Variants in CTNNA2 observed in about 807,000 individuals in gnomAD.
CTNNA2 encodes catenin alpha 2.
In CTNNA2, 42 loss-of-function variants were observed where a neutral mutation model predicts 101.0. That is an observed-to-expected ratio of 0.42 (90% CI 0.32 to 0.54). The LOEUF (loss-of-function observed/expected upper bound fraction) is 0.54, where lower values mean the gene tolerates loss of function less well. Ranked by LOEUF, CTNNA2 falls within the 20% of genes least tolerant of loss-of-function variation. The pLI is 0.14. For missense variants in CTNNA2, 871 were observed against 1,223.1 expected (o/e 0.71, Z 4.29); for synonymous variants, 450 against 456.4 (o/e 0.99, Z 0.18).
chr2:80,435,118 T>C (rs931071197), intron 9 of CTNNA2, among the ~76,000 whole-genome samples: 3 of 152,202 alleles, frequency 2.0e-5, no homozygotes, highest in Admixed American at 6.5e-5. Flanking sequence ...CACTTCCCTC[T>C]AATTGCAACA....
At chr2:79,961,042 G>A (rs950877673) in intron 7 of CTNNA2, among the ~76,000 whole-genome samples, 37 of 152,242 alleles carry the variant, frequency 2.4e-4, no homozygotes, top group Non-Finnish European at 3.7e-4. Flanking sequence ...TTCATTATGC[G>A]AATTAAAATT....
chr2:80,113,832 C>T (rs1415848534), intron 7 of CTNNA2, among the ~76,000 whole-genome samples: 1 of 152,178 alleles, frequency 6.6e-6, no homozygotes, highest in Admixed American at 6.6e-5. Context: ...ATGATAAAAA[C>T]ATTCATGGGA....
intron 7 of CTNNA2, among the ~76,000 whole-genome samples, chr2:80,043,133 C>CT (rs1696268261): frequency 2.1e-5 from 1 of 48,664 alleles, no homozygotes; most frequent in African/African-American, 1.3e-4. Flanking sequence ...TTCCTTCCTT[C>CT]CTTCCTTCCT....
intron 9 of CTNNA2, among the ~76,000 whole-genome samples, chr2:80,506,924 A>T (rs1688320692): frequency 6.6e-6 from 1 of 152,170 alleles, no homozygotes; most frequent in Admixed American, 6.5e-5. Flanking sequence ...TCTCTGTAAG[A>T]TAGGGGTGAG....
chr2:79,339,175 T>C (rs1442426569), intron 3 of CTNNA2, among the ~76,000 whole-genome samples: 3 of 151,854 alleles, frequency 2.0e-5, no homozygotes, highest in Non-Finnish European at 2.9e-5. Context: ...AGTTATAACA[T>C]AAAAAACATG....
chr2:79,453,412 T>C (rs1390221373), intron 4 of CTNNA2, among the ~76,000 whole-genome samples: 3 of 152,114 alleles, frequency 2.0e-5, no homozygotes, highest in African/African-American at 7.2e-5. Flanking sequence ...ATGCTATAAA[T>C]GTGACAATGA....
intron 9 of CTNNA2, among the ~76,000 whole-genome samples, chr2:80,420,982 T>C (rs565417628): frequency 1.3e-5 from 2 of 152,322 alleles, no homozygotes; most frequent in South Asian, 4.1e-4. Flanking sequence ...CAGGCAAGCC[T>C]TCTATCACCC....
At chr2:80,553,232 A>AAAAT (rs1553384533) in intron 11 of CTNNA2, among the ~76,000 whole-genome samples, 1 of 121,826 alleles carries the variant, frequency 8.2e-6, no homozygotes, top group African/African-American at 3.0e-5. Context: ...TCAAAAAAAA[A>AAAAT]AATAAAATAA....
chr2:80,544,313 A>AG (rs1195583202), intron 9 of CTNNA2, among the ~76,000 whole-genome samples: 2 of 151,970 alleles, frequency 1.3e-5, no homozygotes, highest in South Asian at 2.1e-4. Flanking sequence ...GAAAAAAAAA[A>AG]CTGTTGGCTT....
intron 2 of CTNNA2, among the ~76,000 whole-genome samples, chr2:79,660,111 A>C (rs1681917092): frequency 6.6e-6 from 1 of 152,018 alleles, no homozygotes; most frequent in Non-Finnish European, 1.5e-5. Context: ...GTATATATAC[A>C]TACATATTAC....
intron 2 of CTNNA2, among the ~76,000 whole-genome samples, chr2:79,706,357 C>A (rs374915932): frequency 9.3e-5 from 9 of 96,312 alleles, no homozygotes; most frequent in African/African-American, 2.6e-4. Context: ...AGCGAGACTC[C>A]GTCTCAAAAA....
At chr2:80,580,251 A>G (rs570341453) in intron 13 of CTNNA2, among the ~76,000 whole-genome samples, 3 of 152,332 alleles carry the variant, frequency 2.0e-5, no homozygotes, top group Non-Finnish European at 4.4e-5. Context: ...CACTTAATGC[A>G]CAGTTATCTA....
intron 3 of CTNNA2, among the ~76,000 whole-genome samples, chr2:79,338,058 G>A (rs181403558): frequency 0.024 from 3,603 of 151,398 alleles, 132 homozygotes; most frequent in African/African-American, 0.083. Context: ...CCAGCCTGGT[G>A]AACATGGAGA....
At chr2:79,374,044 C>T (rs1677930126) in intron 4 of CTNNA2, 2 of 152,388 alleles carry the variant, frequency 1.3e-5, no homozygotes, top group African/African-American at 4.8e-5. Flanking sequence ...CTCATTCAAG[C>T]TTATTCTTCG....
chr2:80,222,225 A>G (rs80102863), intron 7 of CTNNA2, among the ~76,000 whole-genome samples: 1,724 of 152,204 alleles, frequency 0.011, 19 homozygotes, highest in Non-Finnish European at 0.018. Context: ...ATATTTTTTA[A>G]ATTACTTTTC....
At chr2:79,753,462 C>T (rs2105042685) in intron 3 of CTNNA2, among the ~76,000 whole-genome samples, 1 of 152,290 alleles carries the variant, frequency 6.6e-6, no homozygotes, top group African/African-American at 2.4e-5. Context: ...TAAAACACCT[C>T]CTCTGTCACC....
chr2:79,213,191 T>G (rs893560849), intron 2 of CTNNA2, among the ~76,000 whole-genome samples: 1 of 152,180 alleles, frequency 6.6e-6, no homozygotes, highest in African/African-American at 2.4e-5. Context: ...GAATGCTAGC[T>G]GCTTTTTTAG....
chr2:79,305,732 G>C (rs1367428961), intron 2 of CTNNA2, among the ~76,000 whole-genome samples: 3 of 152,006 alleles, frequency 2.0e-5, no homozygotes, highest in South Asian at 2.1e-4. Context: ...ATTTCTTTGG[G>C]AGAGTATTCA....
intron 12 of CTNNA2, among the ~76,000 whole-genome samples, chr2:80,561,827 ATTTTTTTTTTTTT>A (rs368503035): frequency 8.1e-6 from 1 of 123,576 alleles, no homozygotes; most frequent in Non-Finnish European, 1.7e-5. Context: ...CGCCTGGCTA[ATTTTTTTTTTTTT>A]TTTTTTTGTA....
Sources: gnomAD v4.1 joint callset for allele counts (sites outside exome capture counted in the v4.1 genomes callset) on GRCh38, gnomAD v4.1.1 for gene constraint, MANE v1.5 for transcripts, NCBI Gene and HGNC (gene_info 2026-07-23, HGNC 2026-07-21) for gene names.